PCTP: variants seen among roughly 807,000 people sequenced by gnomAD.
PCTP encodes START domain-containing protein 2.
PCTP carries 27 observed loss-of-function variants against 31.0 expected under a neutral mutation model. That is an observed-to-expected ratio of 0.87 (90% CI 0.64 to 1.20). PCTP has a LOEUF of 1.20. PCTP is among the 50% of genes most tolerant of loss of function. PCTP has a pLI of 0.00. For missense variants in PCTP, 287 were observed against 268.2 expected (o/e 1.07, Z -0.49); for synonymous variants, 108 against 101.2 (o/e 1.07, Z -0.40).
chr17:55,814,442 A>C (rs9912165), intron 3 of PCTP, among the ~76,000 whole-genome samples: 7,281 of 152,340 alleles, frequency 0.048, 552 homozygotes, highest in African/African-American at 0.16. Context: ...CTTGGCAGAC[A>C]CTGAGCAGCT....
intron 3 of PCTP, among the ~76,000 whole-genome samples, chr17:55,792,873 C>T (rs574317903): frequency 3.3e-5 from 5 of 152,200 alleles, no homozygotes; most frequent in South Asian, 2.1e-4. Flanking sequence ...GATGGATGCT[C>T]ATACATTCCC....
At position 55,767,266 on chromosome 17, in the gene PCTP, A is replaced by G. The variant is rs968993538; in HGVS notation, c.142-69A>G. 10 of 949,798 alleles carry G rather than the reference A, an allele frequency of 1.1e-5. No homozygotes were observed. The African/African-American group carries it at 1.7e-4, about 16-fold the overall frequency. The allele number at this position is 949,798 out of a possible 1,614,324, so 58.8% of individuals were successfully genotyped here. On this transcript the variant is annotated intron_variant, in intron 1 of 5. Coordinates refer to ENST00000268896, the MANE Select transcript of PCTP (RefSeq NM_021213.4). The stretch of plus-strand genomic sequence containing the variant: ...TGCTGTGCAGAAGCTCTTTAGTTTA[A>G]TTATGTGGAATGCAGCTTTCTCTCA...
chr17:55,822,774 C>G (rs759988907), exon 4 of PCTP: 18 of 1,231,236 alleles, frequency 1.5e-5, no homozygotes, highest in Non-Finnish European at 1.6e-5. Flanking sequence ...CAGAGCAGAA[C>G]CAAGCGGGAA....
chr17:55,755,229 G>C (rs1431524245), intron 1 of PCTP, among the ~76,000 whole-genome samples: 5 of 152,094 alleles, frequency 3.3e-5, no homozygotes, highest in Non-Finnish European at 7.4e-5. Context: ...ATTGTGCATA[G>C]CATGCTTGCC....
chr17:55,792,355 A>C (rs956048194), intron 3 of PCTP, among the ~76,000 whole-genome samples: 5 of 151,196 alleles, frequency 3.3e-5, no homozygotes, highest in African/African-American at 9.7e-5. Context: ...ACACATACTC[A>C]TATTTCTAAA....
chr17:55,763,201 C>T (rs1910433867), intron 1 of PCTP, among the ~76,000 whole-genome samples: 1 of 152,144 alleles, frequency 6.6e-6, no homozygotes, highest in South Asian at 2.1e-4. Context: ...AGAGATCTTA[C>T]ACATCAGATC....
Position 55,773,902 on chromosome 17 carries a change from C to A in PCTP, c.511+7C>A. 6.3e-7 allele frequency: 1 copy of A among 1,592,434 alleles called. No individual in the cohort carries two copies. On this transcript the variant is annotated splice_region_variant and intron_variant, in intron 4 of 5. Coordinates refer to ENST00000268896, the MANE Select transcript of PCTP (RefSeq NM_021213.4). ...GGCAAGAAGGGGAGCAAAGGTAAAA[C>A]CCATGGTGCCTGTCAGTGCACCCAG...
chr17:55,847,244 T>C (rs1319015202), downstream of PCTP, among the ~76,000 whole-genome samples: 2 of 152,254 alleles, frequency 1.3e-5, no homozygotes, highest in South Asian at 2.1e-4. Flanking sequence ...CTTCCAAGTA[T>C]GTAGTTTTGA....
At chr17:55,809,361 G>A (rs955437924) in intron 3 of PCTP, among the ~76,000 whole-genome samples, 2 of 152,064 alleles carry the variant, frequency 1.3e-5, no homozygotes, top group African/African-American at 4.8e-5. Context: ...CTTAAGGTAA[G>A]CAGATGTCAT....
intron 3 of PCTP, among the ~76,000 whole-genome samples, chr17:55,792,057 C>G (rs936493214): frequency 1.4e-5 from 2 of 145,920 alleles, no homozygotes; most frequent in Non-Finnish European, 3.0e-5. Flanking sequence ...ATCACAAGAA[C>G]AAAAAACCAA....
At chr17:55,792,871 C>A (rs1912051248) in intron 3 of PCTP, among the ~76,000 whole-genome samples, 1 of 152,066 alleles carries the variant, frequency 6.6e-6, no homozygotes, top group Non-Finnish European at 1.5e-5. Context: ...GAGATGGATG[C>A]TCATACATTC....
intron 5 of PCTP, among the ~76,000 whole-genome samples, chr17:55,833,224 A>G (rs1489817659): frequency 3.3e-5 from 5 of 152,132 alleles, no homozygotes; most frequent in Non-Finnish European, 2.9e-5. Context: ...TTTGAGAGAT[A>G]AGAAACTTGA....
the PCTP span, among the ~76,000 whole-genome samples, chr17:55,852,386 A>G: frequency 4.6e-5 from 7 of 152,164 alleles, no homozygotes; most frequent in African/African-American, 1.7e-4. Flanking sequence ...AAACACTCCC[A>G]TTGATATTTA....
intron 3 of PCTP, among the ~76,000 whole-genome samples, chr17:55,790,058 G>A (rs1203706978): frequency 1.3e-5 from 2 of 152,136 alleles, no homozygotes; most frequent in Non-Finnish European, 2.9e-5. Context: ...AAAACCACAT[G>A]ATTATCTCAA....
chr17:55,798,909 A>G (rs944676369), intron 3 of PCTP, among the ~76,000 whole-genome samples: 3 of 151,948 alleles, frequency 2.0e-5, no homozygotes, highest in Admixed American at 1.3e-4. Flanking sequence ...AAATAAGTGA[A>G]AACCCTAGCA....
the PCTP span, among the ~76,000 whole-genome samples, chr17:55,851,425 G>A: frequency 6.6e-6 from 1 of 152,214 alleles, no homozygotes; most frequent in East Asian, 1.9e-4. Context: ...CAAGCTCTCA[G>A]CTAGCACGTT....
chr17:55,783,857 G>A (rs1380958456), intron 2 of PCTP, among the ~76,000 whole-genome samples: 3 of 152,130 alleles, frequency 2.0e-5, no homozygotes, highest in East Asian at 1.9e-4. Flanking sequence ...CTTCAGCGAC[G>A]GTGCCGAGTC....
chr17:55,795,717 A>G (rs1912165167), intron 3 of PCTP, among the ~76,000 whole-genome samples: 1 of 152,104 alleles, frequency 6.6e-6, no homozygotes, highest in Admixed American at 6.6e-5. Context: ...CATAGTAGAT[A>G]TTAAAAAATG....
At chr17:55,827,969 T>C (rs1174433907), downstream of PCTP, among the ~76,000 whole-genome samples, 1 of 152,192 alleles carries the variant, frequency 6.6e-6, no homozygotes, top group Non-Finnish European at 1.5e-5. Context: ...TTGATAGAGC[T>C]GAATTTTATG....
Sources: gnomAD v4.1 joint callset for allele counts (sites outside exome capture counted in the v4.1 genomes callset) on GRCh38, gnomAD v4.1.1 for gene constraint, MANE v1.5 for transcripts, NCBI Gene and HGNC (gene_info 2026-07-23, HGNC 2026-07-21) for gene names.